Variants in CLUAP1 observed in about 807,000 individuals in gnomAD.
CLUAP1 encodes the protein clusterin-associated protein 1.
A neutral mutation model predicts 55.0 loss-of-function variants in CLUAP1; 50 were observed. The ratio of observed to expected loss-of-function variants is 0.91; its 90% CI spans 0.72 to 1.15. CLUAP1 has a LOEUF of 1.15. CLUAP1 is among the 50% of genes most tolerant of loss of function. The probability of loss-of-function intolerance (pLI) is 0.00; values close to 1 mark genes in which losing one functional copy is unlikely to be tolerated. For synonymous variants in CLUAP1, 195 were observed against 175.4 expected (o/e 1.11, Z -0.88); for missense variants, 530 against 507.6 (o/e 1.04, Z -0.42).
At chr16:3,501,937 C>G (rs2037411923) in intron 1 of CLUAP1, 1 of 152,122 alleles carries the variant, frequency 6.6e-6, no homozygotes, top group African/African-American at 2.4e-5. Flanking sequence ...TCTGTGCCCC[C>G]TGTATTTGGT....
chr16:3,515,412 G>A (rs190563497), intron 5 of CLUAP1, 96 bp from the exon 6 acceptor site: 372 of 816,054 alleles, frequency 4.6e-4, no homozygotes, highest in Admixed American at 2.2e-3. Context: ...AATAAACTTC[G>A]GAGAATCAGT....
At chr16:3,503,442 C>CA (rs2037446370) in intron 1 of CLUAP1, among the ~76,000 whole-genome samples, 2 of 152,210 alleles carry the variant, frequency 1.3e-5, no homozygotes, top group Non-Finnish European at 2.9e-5. Context: ...GGATTACAGG[C>CA]GTGAGCCACT....
chr16:3,504,938 G>A, intron 2 of CLUAP1, 107 bp downstream of exon 2: 4 of 720,612 alleles, frequency 5.6e-6, no homozygotes, highest in Non-Finnish European at 1.0e-5. Context: ...AAAGTTTTTG[G>A]AATTTGACAG....
chr16:3,533,262 A>T, intron 11 of CLUAP1: 1 of 879,496 alleles, frequency 1.1e-6, no homozygotes, highest in Non-Finnish European at 1.8e-6. Context: ...CTGGGCAAAA[A>T]GGCCACTCAA....
chr16:3,516,186 C>T (rs537208170), intron 6 of CLUAP1, among the ~76,000 whole-genome samples: 5 of 152,248 alleles, frequency 3.3e-5, no homozygotes, highest in South Asian at 4.1e-4. Flanking sequence ...ACATGAATCA[C>T]GACAGGGCAT....
upstream of CLUAP1, chr16:3,496,265 A>G (rs2037308261): frequency 1.4e-6 from 1 of 722,594 alleles, no homozygotes; most frequent in Admixed American, 1.8e-5. Flanking sequence ...AAGAGCCAGG[A>G]TATCTAACTG....
chr16:3,533,299 C>G (rs1249731153), intron 11 of CLUAP1: 1 of 671,040 alleles, frequency 1.5e-6, no homozygotes, highest in African/African-American at 1.8e-5. Context: ...ACAGCGGGAT[C>G]ACTGAAGGCC....
At chr16:3,500,897 C>T (rs967378868), upstream of CLUAP1, 1 of 692,526 alleles carries the variant, frequency 1.4e-6, no homozygotes, top group Non-Finnish European at 2.4e-6. Flanking sequence ...TGCCGGCCCG[C>T]TCTCCCCGTG....
chr16:3,524,596 C>CA (rs755040158), intron 8 of CLUAP1, among the ~76,000 whole-genome samples: 1,945 of 33,524 alleles, frequency 0.058, 83 homozygotes, highest in Admixed American at 0.12. Flanking sequence ...GACACCATCT[C>CA]AAAAAAAAAA....
intron 3 of CLUAP1, among the ~76,000 whole-genome samples, chr16:3,506,670 T>G (rs868529096): frequency 6.6e-6 from 1 of 151,986 alleles, no homozygotes; most frequent in African/African-American, 2.4e-5. Flanking sequence ...ACCTGGCTAA[T>G]TTTTGCATTT....
intron 1 of CLUAP1, among the ~76,000 whole-genome samples, chr16:3,503,317 C>T (rs2037443523): frequency 6.6e-6 from 1 of 152,172 alleles, no homozygotes; most frequent in African/African-American, 2.4e-5. Flanking sequence ...TGCCCGCCAC[C>T]ACACCTGGCT....
intron 6 of CLUAP1, 43 bp from the exon 7 acceptor site, chr16:3,519,860 G>T (rs370841463): frequency 8.4e-6 from 13 of 1,544,070 alleles, no homozygotes; most frequent in Non-Finnish European, 1.0e-5. Flanking sequence ...TAGGATGGCT[G>T]TTTTTATTGC....
chr16:3,505,099 C>T (rs1327809220), intron 2 of CLUAP1, among the ~76,000 whole-genome samples: 1 of 152,130 alleles, frequency 6.6e-6, no homozygotes, highest in East Asian at 1.9e-4. Flanking sequence ...TTAGCTGAGC[C>T]TGGGTGGTAC....
intron 10 of CLUAP1, among the ~76,000 whole-genome samples, chr16:3,531,841 A>ATT (rs570928782): frequency 1.4e-5 from 2 of 143,864 alleles, no homozygotes; most frequent in Admixed American, 6.9e-5. Context: ...CTGCCCCCTA[A>ATT]TTTTTTTTTT....
Position 3,506,412 on chromosome 16 carries a change from C to G in CLUAP1, c.216C>G (p.Phe72Leu). ...TCTTCATTAAGGCAATTGCCCAGTTCATGGTTAGTGGACACTTATTTTGTG... is the reference window on the plus strand; with the variant it reads ...TCTTCATTAAGGCAATTGCCCAGTTGATGGTTAGTGGACACTTATTTTGTG... ...RVFFIKAIAQ[F>L]MATKAHIKLN... Residue 72 changes from phenylalanine (F) to leucine (L), a missense_variant, in exon 3 of 12, where the codon TTC becomes TTG. Phe to Leu is a conservative substitution (Grantham distance 22, BLOSUM62 0). Transcript: ENST00000576634. The G allele has an allele frequency of 2.5e-6, 4 of 1,610,966 alleles. No individual in the cohort carries two copies. The highest frequency in any genetic ancestry group is 3.4e-6 in the Non-Finnish European group (4 of 1,177,154).
chr16:3,523,007 G>A, intron 7 of CLUAP1, 151 bp from the exon 8 acceptor site: 1 of 525,460 alleles, frequency 1.9e-6, no homozygotes, highest in East Asian at 3.5e-5. Flanking sequence ...AGCAGAAAAG[G>A]GAAAATATTT....
intron 8 of CLUAP1, among the ~76,000 whole-genome samples, chr16:3,523,971 A>G (rs1472254820): frequency 6.6e-6 from 1 of 151,656 alleles, no homozygotes; most frequent in Non-Finnish European, 1.5e-5. Flanking sequence ...ATCTCCAAAA[A>G]TAAGAAAATA....
chr16:3,523,325 G>C (rs949081965), intron 8 of CLUAP1, 26 bp downstream of exon 8: 5 of 1,591,330 alleles, frequency 3.1e-6, no homozygotes, highest in Non-Finnish European at 4.3e-6. Context: ...CCTCTGTTCA[G>C]CCATTCCTTC....
intron 4 of CLUAP1, among the ~76,000 whole-genome samples, chr16:3,511,214 G>C (rs2037618611): frequency 6.6e-6 from 1 of 152,242 alleles, no homozygotes. Flanking sequence ...GTTGTTGCTA[G>C]TGGGTTGAAA....
Sources: gnomAD v4.1 joint callset for allele counts (sites outside exome capture counted in the v4.1 genomes callset) on GRCh38, gnomAD v4.1.1 for gene constraint, MANE v1.5 for transcripts, NCBI Gene and HGNC (gene_info 2026-07-23, HGNC 2026-07-21) for gene names.